FAF1: variants seen among roughly 807,000 people sequenced by gnomAD.
FAF1 encodes the protein Fas associated factor 1.
In FAF1, 25 loss-of-function variants were observed where a neutral mutation model predicts 92.5. That is an observed-to-expected ratio of 0.27 (90% confidence interval 0.20 to 0.38). FAF1 has a LOEUF of 0.38. Among genes scored for constraint, FAF1 ranks in the 10% least tolerant of loss-of-function variants. FAF1 has a pLI of 1.00. For missense variants in FAF1, 636 were observed against 793.3 expected, an observed-to-expected ratio of 0.80 and a Z score of 2.38; for synonymous variants, 234 against 273.2, an observed-to-expected ratio of 0.86 and a Z score of 1.42.
chr1:50,702,307 C>T (rs552267344), intron 7 of FAF1, among the ~76,000 whole-genome samples: 4 of 152,034 alleles, frequency 2.6e-5, no homozygotes, highest in Admixed American at 2.0e-4. Context: ...AGAATCTGCA[C>T]AATAAACTGT....
At chr1:50,750,620 T>C (rs1205486211) in intron 4 of FAF1, among the ~76,000 whole-genome samples, 1 of 149,326 alleles carries the variant, frequency 6.7e-6, no homozygotes, top group African/African-American at 2.5e-5. Context: ...CCTTTTTCTT[T>C]TCTTTTTTTT....
chr1:50,938,249 A>T (rs1645102990), intron 1 of FAF1, among the ~76,000 whole-genome samples: 1 of 152,216 alleles, frequency 6.6e-6, no homozygotes, highest in South Asian at 2.1e-4. Flanking sequence ...TCCCATGGGT[A>T]ACAAATAGCA....
chr1:50,534,884 C>G (rs1326938422), intron 15 of FAF1, among the ~76,000 whole-genome samples: 1 of 152,034 alleles, frequency 6.6e-6, no homozygotes, highest in Non-Finnish European at 1.5e-5. Flanking sequence ...GAGAAAACAC[C>G]TGAATATGTT....
chr1:50,718,596 T>A lies in FAF1; in HGVS notation c.552-12705A>T, dbSNP rs1037819613. Among the ~76,000 whole-genome samples, 3 of 152,256 alleles carry A rather than the reference T, an allele frequency of 2.0e-5. No homozygotes were observed. The East Asian group carries it at 5.8e-4, about 29-fold the overall frequency. On this transcript the variant is annotated intron_variant, in intron 6 of 18. Transcript: ENST00000396153. ...AAAATAACAATTTAAAATTGGCTTATAAGGTTCATCTTCACTAGATTTTAT... is the reference window on the plus strand; with the variant it reads ...AAAATAACAATTTAAAATTGGCTTAAAAGGTTCATCTTCACTAGATTTTAT...
chr1:50,616,469 C>G (rs975915543), intron 8 of FAF1, among the ~76,000 whole-genome samples: 4 of 152,118 alleles, frequency 2.6e-5, no homozygotes, highest in Non-Finnish European at 4.4e-5. Flanking sequence ...CAATGCATGA[C>G]TATGAATTGT....
At chr1:50,660,473 C>T (rs1048514242) in intron 7 of FAF1, among the ~76,000 whole-genome samples, 2 of 151,764 alleles carry the variant, frequency 1.3e-5, no homozygotes, top group African/African-American at 4.8e-5. Flanking sequence ...TTGCGGCATA[C>T]CTCGAGGCAG....
chr1:50,738,851 T>C lies in FAF1; in HGVS notation c.551+12A>G, dbSNP rs747352928. The C allele has an allele frequency of 1.5e-5, 23 of 1,552,090 alleles. No individual in the cohort carries two copies. The highest frequency in any genetic ancestry group is 4.6e-5 in the South Asian group (4 of 86,900). ...TTTCATTTCATGTTCCCAGGAAATA[T>C]AAACAACTTACCCAGCATGACTAGA... On this transcript the variant is annotated intron_variant, in intron 6 of 18. Coordinates refer to ENST00000396153, the MANE Select transcript of FAF1 (RefSeq NM_007051.3).
intron 8 of FAF1, among the ~76,000 whole-genome samples, chr1:50,644,421 G>GC (rs1284428390): frequency 2.4e-4 from 36 of 152,122 alleles, no homozygotes. Flanking sequence ...ATTTCTCTTT[G>GC]CTTAGCCTTC....
At chr1:50,710,059 A>C (rs1657854962) in intron 6 of FAF1, among the ~76,000 whole-genome samples, 1 of 152,224 alleles carries the variant, frequency 6.6e-6, no homozygotes, top group African/African-American at 2.4e-5. Context: ...TAACAATGTT[A>C]AAGACCTCCA....
intron 1 of FAF1, among the ~76,000 whole-genome samples, chr1:50,936,494 T>C (rs1204964214): frequency 6.6e-6 from 1 of 152,012 alleles, no homozygotes; most frequent in Non-Finnish European, 1.5e-5. Context: ...AGACACAAAA[T>C]GACGTAAGTT....
At chr1:50,565,723 G>T (rs759836788) in intron 13 of FAF1, among the ~76,000 whole-genome samples, 6 of 152,036 alleles carry the variant, frequency 3.9e-5, no homozygotes, top group Non-Finnish European at 7.4e-5. Flanking sequence ...TAAAATAAAA[G>T]GAACTAAGGA....
intron 9 of FAF1, among the ~76,000 whole-genome samples, chr1:50,587,602 T>C (rs539947887): frequency 1.2e-4 from 19 of 152,220 alleles, no homozygotes; most frequent in Non-Finnish European, 2.8e-4. Context: ...CCAGAAAAAG[T>C]ATTTATTCAT....
In FAF1 at chr1:50,441,361, G is replaced by C. The variant is rs1646164572; in HGVS notation, c.*79C>G. 1 of 768,080 alleles carries C rather than the reference G, an allele frequency of 1.3e-6. No individual in the cohort carries two copies. Among genetic ancestry groups the C allele is most frequent in the Non-Finnish European group, 2.1e-6 (1 of 484,464 alleles). 47.6% of individuals were successfully genotyped at this position (768,080 alleles called of 1,614,324 possible). On this transcript the variant is annotated 3_prime_UTR_variant, in exon 19 of 19. Coordinates refer to ENST00000396153, the MANE Select transcript of FAF1 (RefSeq NM_007051.3). ...TGAATTGAGTGAGACGAGCGTGTGG[G>C]TGGGTTGGCGAGGAGCCCTTCTCCT...
intron 1 of FAF1, among the ~76,000 whole-genome samples, chr1:50,925,385 G>A (rs921176479): frequency 6.6e-6 from 1 of 151,884 alleles, no homozygotes; most frequent in Non-Finnish European, 1.5e-5. Flanking sequence ...ATAACCTGTA[G>A]ATAGGAAAAT....
intron 1 of FAF1, among the ~76,000 whole-genome samples, chr1:50,887,078 G>T (rs1197665623): frequency 6.6e-6 from 1 of 152,198 alleles, no homozygotes; most frequent in Admixed American, 6.5e-5. Context: ...CATTCTAACT[G>T]GTGTGAGATG....
At chr1:50,939,514 T>C (rs541179331) in intron 1 of FAF1, among the ~76,000 whole-genome samples, 1 of 152,312 alleles carries the variant, frequency 6.6e-6, no homozygotes, top group Admixed American at 6.5e-5. Context: ...CATTCCCTAT[T>C]TGAATGCCTG....
intron 1 of FAF1, among the ~76,000 whole-genome samples, chr1:50,866,618 T>G (rs987996960): frequency 6.6e-6 from 1 of 151,414 alleles, no homozygotes; most frequent in African/African-American, 2.4e-5. Flanking sequence ...ACAAAAAACC[T>G]TAGGAATATA....
chr1:50,515,179 G>A (rs1647201245), intron 15 of FAF1, among the ~76,000 whole-genome samples: 2 of 152,104 alleles, frequency 1.3e-5, no homozygotes. Flanking sequence ...CAATATATAG[G>A]AGGGTCTATT....
rs375006695 is a variant in FAF1, at chr1:50,700,316, T to C, written c.657+5470A>G. On this transcript the variant is annotated intron_variant, in intron 7 of 18. Transcript: ENST00000396153. ...TGAGCACAGAGGTTCTTTTCCCCCC[T>C]CTCTCTCTCTCTTCTCAAATCATTT... 8.0e-3 allele frequency among the ~76,000 whole-genome samples: 1,211 copies of C among 151,244 alleles called. 11 individuals are homozygous for C. Among genetic ancestry groups the C allele is most frequent in the Non-Finnish European group, 0.012 (842 of 67,608 alleles).
Sources: gnomAD v4.1 joint callset for allele counts (sites outside exome capture counted in the v4.1 genomes callset) on GRCh38, gnomAD v4.1.1 for gene constraint, MANE v1.5 for transcripts, NCBI Gene and HGNC (gene_info 2026-07-23, HGNC 2026-07-21) for gene names.